The following LTBP4 variants were observed in gnomAD, a reference collection of about 807,000 sequenced individuals.
LTBP4 encodes latent-transforming growth factor beta-binding protein 4.
In LTBP4, 93 loss-of-function variants were observed where a neutral mutation model predicts 180.2. The ratio of observed to expected loss-of-function variants is 0.52; its 90% CI spans 0.44 to 0.61. The LOEUF is 0.61. Among genes scored for constraint, LTBP4 ranks in the 20% least tolerant of loss-of-function variants. The pLI, the probability that LTBP4 is intolerant of heterozygous loss-of-function variation, is 0.00. For synonymous variants in LTBP4, 947 were observed against 934.5 expected (o/e 1.01, Z -0.24); for missense variants, 2,116 against 2,256.5 (o/e 0.94, Z 1.26).
In LTBP4 at chr19:40,614,009, G is replaced by A; in HGVS notation, c.2651G>A (p.Arg884His). 3 of 1,613,364 alleles carry A rather than the reference G, an allele frequency of 1.9e-6. No homozygotes were observed. The highest frequency in any genetic ancestry group is 2.5e-6 in the Non-Finnish European group (3 of 1,179,774). The change falls in exon 18 of 30, where the codon CGC (arginine) becomes CAC (histidine). Residue 884 changes from arginine (R) to histidine (H), a missense_variant. Around this residue, in one of 5 missense-constraint regions of LTBP4, gnomAD observed 877 missense variants for 873.6 expected, o/e 1.00. Coordinates refer to ENST00000396819, the MANE Select transcript of LTBP4 (RefSeq NM_001042545.2). ...SFECICPPGH[R>H]AGPDLASCLD... ...GAGTGCATCTGTCCTCCGGGACACC[G>A]CGCTGGCCCGGACCTCGCCTCCTGC...
rs879820702 is a variant in LTBP4 at position 40,609,345 on chromosome 19, G to A, written c.1427-185G>A. 2.0e-5 allele frequency among the ~76,000 whole-genome samples: 3 copies of A among 152,130 alleles called. No individual in the cohort carries two copies. The highest frequency in any genetic ancestry group is 4.4e-5 in the Non-Finnish European group (3 of 68,032). On this transcript the variant is annotated intron_variant, in intron 9 of 29. Coordinates refer to ENST00000396819, the MANE Select transcript of LTBP4 (RefSeq NM_001042545.2). This position sits in a 1 kb window ranked among gnomAD's most constrained non-coding sequence, Gnocchi z 4.9. The stretch of plus-strand genomic sequence containing the variant: ...TTGGGGTGGCATGATGAGGGGATTC[G>A]GCCAAGGATCTGATGAGAACGTTCC...
chr19:40,607,420 C>T lies in LTBP4; in HGVS notation c.1047C>T (p.Gly349=). ...KGPCFRVLRD[G]GCSLPILRNI... ...CCTGCTTCCGCGTGCTCCGCGACGG[C>T]GGCTGTTCGCTGCCCATTCTGCGGA... Residue 349 remains glycine, a synonymous_variant, in exon 7 of 30, where the codon GGC becomes GGT. Transcript: ENST00000396819. 1 of 1,613,086 alleles carries T rather than the reference C, an allele frequency of 6.2e-7. No homozygotes were observed. Among genetic ancestry groups the T allele is most frequent in the Non-Finnish European group, 8.5e-7 (1 of 1,179,610 alleles).
chr19:40,624,110 T>C, intron 26 of LTBP4, 28 bp downstream of exon 26: 1 of 1,501,816 alleles, frequency 6.7e-7, no homozygotes, highest in Non-Finnish European at 8.9e-7. Context: ...ATCCAGGCCC[T>C]CCTTCCCTTG....
intron 19 of LTBP4, among the ~76,000 whole-genome samples, chr19:40,615,007 C>T (rs1326669056): frequency 6.6e-6 from 1 of 152,260 alleles, no homozygotes; most frequent in East Asian, 1.9e-4. Flanking sequence ...GCTCGGATGG[C>T]TCCAGTCTCT....
chr19:40,614,176 AAC>A, intron 18 of LTBP4, 137 bp from the exon 19 acceptor site: 5 of 1,328,952 alleles, frequency 3.8e-6, no homozygotes, highest in Non-Finnish European at 5.0e-6. Flanking sequence ...TAGCCTCCCC[AAC>A]TCTCCTCTAC....
At chr19:40,607,203 C>T (rs758646516) in intron 6 of LTBP4, among the ~76,000 whole-genome samples, 162 bp from the exon 7 acceptor site, 10 of 152,216 alleles carry the variant, frequency 6.6e-5, no homozygotes, top group African/African-American at 2.2e-4. Context: ...ACCTCCAGAG[C>T]CCACTGCTCT....
At chr19:40,614,625 A>G (rs2081533818) in intron 19 of LTBP4, among the ~76,000 whole-genome samples, 179 bp downstream of exon 19, 1 of 152,186 alleles carries the variant, frequency 6.6e-6, no homozygotes, top group African/African-American at 2.4e-5. Flanking sequence ...TTCTTGTGTC[A>G]GGATCACGGC....
At chr19:40,618,064 C>CTT (rs796548850) in intron 21 of LTBP4, among the ~76,000 whole-genome samples, 17 of 145,784 alleles carry the variant, frequency 1.2e-4, no homozygotes, top group African/African-American at 4.3e-4. Flanking sequence ...TCTCTTCTCT[C>CTT]TTTTTTTTTT....
chr19:40,597,142 G>A, upstream of LTBP4: 3 of 1,160,498 alleles, frequency 2.6e-6, no homozygotes, highest in Non-Finnish European at 3.3e-6. Context: ...TCGGCCTCGG[G>A]CGGGGGCGGG....
chr19:40,623,798 C>T, intron 25 of LTBP4, 66 bp downstream of exon 25: 1 of 1,604,266 alleles, frequency 6.2e-7, no homozygotes. Flanking sequence ...CAGCTCCCCT[C>T]TGGAATGTGG....
intron 27 of LTBP4, among the ~76,000 whole-genome samples, 199 bp from the exon 28 acceptor site, chr19:40,626,776 G>T (rs1312986626): frequency 6.6e-6 from 1 of 152,154 alleles, no homozygotes; most frequent in Non-Finnish European, 1.5e-5. Flanking sequence ...CTGATTCTTA[G>T]CAGGCTTCAT....
rs372071136 is a variant in LTBP4, at chr19:40,615,635, G to A, written c.2812+1189G>A. 2.9e-4 allele frequency among the ~76,000 whole-genome samples: 44 copies of A among 152,318 alleles called. No individual in the cohort carries two copies. The South Asian group carries it at 8.3e-3, about 29-fold the overall frequency. On this transcript the variant is annotated intron_variant, in intron 19 of 29. Coordinates refer to ENST00000396819, the MANE Select transcript of LTBP4 (RefSeq NM_001042545.2). Reference sequence around the variant, plus strand: ...TAGCTGGGCATGGTGGCATGCGCCTGTAGTCCCAGCTACTCAGGAGACTGA... The same window carrying A: ...TAGCTGGGCATGGTGGCATGCGCCTATAGTCCCAGCTACTCAGGAGACTGA...
At chr19:40,595,905 A>AT (rs60121587) in intron 1 of LTBP4, among the ~76,000 whole-genome samples, 1,699 of 60,036 alleles carry the variant, frequency 0.028, 117 homozygotes, top group Non-Finnish European at 0.035. Flanking sequence ...TAATTTTTGG[A>AT]TTTTTTTTTT....
At position 40,613,380 on chromosome 19, in the gene LTBP4, C is replaced by G; in HGVS notation, c.2432-24C>G. ...TCTGGGAGGCCGGGTCCCGTGACTC[C>G]GCCCAATCTCCCGCGTACCCTAGAC... On this transcript the variant is annotated intron_variant, in intron 16 of 29. Coordinates refer to ENST00000396819, the MANE Select transcript of LTBP4 (RefSeq NM_001042545.2). This position sits in a 1 kb window ranked among gnomAD's most constrained non-coding sequence, Gnocchi z 5.0. 6.2e-7 allele frequency: 1 copy of G among 1,600,156 alleles called. No individual in the cohort carries two copies. Among genetic ancestry groups the G allele is most frequent in the East Asian group, 2.3e-5 (1 of 44,108 alleles).
intron 29 of LTBP4, among the ~76,000 whole-genome samples, 156 bp downstream of exon 29, chr19:40,628,013 G>A (rs553242052): frequency 1.6e-4 from 24 of 152,362 alleles, no homozygotes; most frequent in Middle Eastern, 3.4e-3. Flanking sequence ...TTCCACCTGG[G>A]TGGGGCTTGA....
At chr19:40,598,018 C>G (rs997754956), upstream of LTBP4, among the ~76,000 whole-genome samples, 1 of 152,042 alleles carries the variant, frequency 6.6e-6, no homozygotes, top group African/African-American at 2.4e-5. Context: ...AGTGATTTCA[C>G]CGCGAGAGAT....
chr19:40,627,266 G>T lies in LTBP4; in HGVS notation c.4277G>T (p.Gly1426Val). The change falls in exon 28 of 30, where the codon GGC (glycine) becomes GTC (valine). Residue 1426 changes from glycine to valine, a missense_variant. Coordinates refer to ENST00000396819, the MANE Select transcript of LTBP4 (RefSeq NM_001042545.2). ...GAATCTGAGGCTCCTGCGCCACCTG[G>T]CCCGGGCACCCGCTGGCCCTATCGG... ...YGESEAPAPP[G>V]PGTRWPYRSR... The T allele has an allele frequency of 6.4e-7, 1 of 1,566,676 alleles. No individual in the cohort carries two copies.
chr19:40,624,218 C>A, intron 26 of LTBP4, 136 bp downstream of exon 26: 1 of 1,112,730 alleles, frequency 9.0e-7, no homozygotes, highest in Non-Finnish European at 1.2e-6. Context: ...CCCCACTGAG[C>A]CCTCACTCAG....
At position 40,624,027 on chromosome 19, in the gene LTBP4, A is replaced by G. The variant is rs745424465; in HGVS notation, c.3777A>G (p.Pro1259=). 2.5e-6 allele frequency: 4 copies of G among 1,607,610 alleles called. No homozygotes were observed. Among genetic ancestry groups the G allele is most frequent in the Non-Finnish European group, 3.4e-6 (4 of 1,176,216 alleles). ...VGSYHCTCEP[P]LVLDGSQRRC... ...CTTATCACTGTACCTGCGAGCCCCC[A>G]CTGGTGCTGGATGGCTCGCAGCGCC... The change falls in exon 26 of 30, where the codon CCA becomes CCG. Residue 1259 remains proline, a synonymous_variant. Transcript: ENST00000396819.
Sources: gnomAD v4.1 joint callset for allele counts (sites outside exome capture counted in the v4.1 genomes callset) on GRCh38, gnomAD v4.1.1 for gene constraint, gnomAD v4.1.1 regional missense constraint, Gnocchi (gnomAD v3.1) non-coding constraint, MANE v1.5 for transcripts, NCBI Gene and HGNC (gene_info 2026-07-23, HGNC 2026-07-21) for gene names.